The following PAX3 variants were observed in gnomAD, a reference collection of about 807,000 sequenced individuals.
PAX3 encodes the protein paired box 3.
A neutral mutation model predicts 51.6 loss-of-function variants in PAX3; 14 were observed. The ratio of observed to expected loss-of-function variants is 0.27; its 90% CI spans 0.18 to 0.42. The LOEUF (loss-of-function observed/expected upper bound fraction) is 0.42, where lower values mean the gene tolerates loss of function less well. PAX3 is among the 10% of genes least tolerant of loss of function. The pLI is 1.00. For synonymous variants in PAX3, 280 were observed against 253.4 expected, an observed-to-expected ratio of 1.11 and a Z score of -1.00; for missense variants, 540 against 642.8, an observed-to-expected ratio of 0.84 and a Z score of 1.73.
chr2:222,282,097 C>T (rs1313838611), intron 4 of PAX3, among the ~76,000 whole-genome samples: 2 of 152,022 alleles, frequency 1.3e-5, no homozygotes, highest in Non-Finnish European at 2.9e-5. Flanking sequence ...GAAATAAATC[C>T]TTCGCCCCTA....
At chr2:222,212,930 C>A (rs1370850213) in intron 7 of PAX3, among the ~76,000 whole-genome samples, 2 of 152,050 alleles carry the variant, frequency 1.3e-5, no homozygotes, top group Admixed American at 6.6e-5. Context: ...ATAGACTAAG[C>A]AATAATGCTC....
intron 5 of PAX3, among the ~76,000 whole-genome samples, chr2:222,228,179 G>C (rs976891093): frequency 2.6e-5 from 4 of 152,092 alleles, no homozygotes; most frequent in African/African-American, 9.7e-5. Flanking sequence ...CATATGCTGG[G>C]TGTTCTAGGG....
Position 222,298,981 on chromosome 2 carries a change from T to G in PAX3, c.-366A>C, listed in dbSNP as rs1695465390. 2.4e-6 allele frequency: 1 copy of G among 412,362 alleles called. No individual in the cohort carries two copies. Among genetic ancestry groups the G allele is most frequent in the African/African-American group, 2.0e-5 (1 of 50,314 alleles). 25.5% of individuals were successfully genotyped at this position (412,362 alleles called of 1,614,324 possible). On this transcript the variant is annotated 5_prime_UTR_variant, in exon 1 of 9. Coordinates refer to ENST00000392070, the MANE Select transcript of PAX3 (RefSeq NM_181458.4). ...AGCGCGGCCTGCCTGAGTCTCCTCC[T>G]GTGGTGACACCGAGTGCGGGGATCC...
At chr2:222,254,051 C>T (rs571744668) in intron 4 of PAX3, among the ~76,000 whole-genome samples, 66 of 152,300 alleles carry the variant, frequency 4.3e-4, no homozygotes, top group Admixed American at 7.2e-4. Flanking sequence ...TGCAAAGCAG[C>T]GCACATAAAA....
chr2:222,275,539 T>C (rs1694389315), intron 4 of PAX3, among the ~76,000 whole-genome samples: 1 of 152,222 alleles, frequency 6.6e-6, no homozygotes. Flanking sequence ...TGAATCATTG[T>C]CTACCTTCAG....
At position 222,265,691 on chromosome 2, in the gene PAX3, G is replaced by GAA. The variant is rs1553583540; in HGVS notation, c.586+28475_586+28476insTT. Among the ~76,000 whole-genome samples the GAA allele has an allele frequency of 1.6e-3, 233 of 142,132 alleles. 1 individual carries two copies. Among genetic ancestry groups the GAA allele is most frequent in the African/African-American group, 5.7e-3 (223 of 39,366 alleles). 93.2% of individuals were successfully genotyped at this position (142,132 alleles called of 152,430 possible). ...GGAAGGAAGGAAGGAAGGAAGGAAG[G>GAA]GAGAAAGATTGATTTTGATTTTTCC... On this transcript the variant is annotated intron_variant, in intron 4 of 8. Coordinates refer to ENST00000392070, the MANE Select transcript of PAX3 (RefSeq NM_181458.4).
intron 4 of PAX3, among the ~76,000 whole-genome samples, chr2:222,276,823 C>T (rs11899444): frequency 0.14 from 20,935 of 152,230 alleles, 1,720 homozygotes; most frequent in Non-Finnish European, 0.18. Context: ...TGTGAGGAGT[C>T]GGTCCAAGAT....
At chr2:222,210,009 G>A (rs776476811) in intron 7 of PAX3, among the ~76,000 whole-genome samples, 1 of 152,068 alleles carries the variant, frequency 6.6e-6, no homozygotes, top group African/African-American at 2.4e-5. Context: ...AGCTAAAATC[G>A]TATTTACCTT....
chr2:222,289,734 T>A (rs546108692), intron 4 of PAX3, among the ~76,000 whole-genome samples: 23 of 152,374 alleles, frequency 1.5e-4, no homozygotes, highest in Admixed American at 8.5e-4. Context: ...TGGTGTTTCC[T>A]TTCAAATCGT....
intron 4 of PAX3, among the ~76,000 whole-genome samples, chr2:222,293,086 C>T (rs761317683): frequency 2.0e-5 from 3 of 152,186 alleles, no homozygotes; most frequent in Non-Finnish European, 4.4e-5. Context: ...TAGTCACAGT[C>T]GGCAACGGCT....
Position 222,207,033 on chromosome 2 carries a change from G to A in PAX3, c.1174-4843C>T, listed in dbSNP as rs114738903. 2.2e-3 allele frequency among the ~76,000 whole-genome samples: 333 copies of A among 152,186 alleles called. 1 individual carries two copies. Among genetic ancestry groups the A allele is most frequent in the Non-Finnish European group, 3.5e-3 (236 of 67,982 alleles). ...AGAAATGTGAATTACAGCTTTGTAT[G>A]ACATAAAGAGTTTTTTTATTCTTCC... On this transcript the variant is annotated intron_variant, in intron 7 of 8. Transcript: ENST00000392070.
At position 222,209,850 on chromosome 2, in the gene PAX3, C is replaced by T. The variant is rs541174014; in HGVS notation, c.1174-7660G>A. Among the ~76,000 whole-genome samples the T allele has an allele frequency of 1.1e-4, 16 of 151,994 alleles. 1 individual carries two copies. Among genetic ancestry groups the T allele is most frequent in the East Asian group, 5.8e-4 (3 of 5,172 alleles). On this transcript the variant is annotated intron_variant, in intron 7 of 8. Transcript: ENST00000392070. ...AGGCTGCAATGAGCCATGATTGCAC[C>T]GCTGTACTCCAGCCTGGGTGGCAGA...
At chr2:222,265,737 G>A (rs908182171) in intron 4 of PAX3, among the ~76,000 whole-genome samples, 1 of 149,656 alleles carries the variant, frequency 6.7e-6, no homozygotes, top group Non-Finnish European at 1.5e-5. Context: ...TCAGGACACT[G>A]AGAGTTAGAA....
chr2:222,245,260 C>A (rs528320511), intron 4 of PAX3, among the ~76,000 whole-genome samples: 1 of 152,342 alleles, frequency 6.6e-6, no homozygotes, highest in African/African-American at 2.4e-5. Flanking sequence ...TAACAAAAGT[C>A]AGGCAACCAG....
intron 4 of PAX3, among the ~76,000 whole-genome samples, chr2:222,268,174 G>A (rs576621988): frequency 6.6e-6 from 1 of 152,210 alleles, no homozygotes; most frequent in African/African-American, 2.4e-5. Flanking sequence ...AGAGTCCTGG[G>A]GGCCTCTTTA....
intron 4 of PAX3, among the ~76,000 whole-genome samples, chr2:222,261,328 T>C (rs530205957): frequency 6.6e-6 from 1 of 152,316 alleles, no homozygotes; most frequent in East Asian, 1.9e-4. Flanking sequence ...AAGCTCATTT[T>C]CATAATGCTC....
chr2:222,235,039 T>C (rs1478654883), intron 4 of PAX3, among the ~76,000 whole-genome samples: 1 of 152,324 alleles, frequency 6.6e-6, no homozygotes, highest in South Asian at 2.1e-4. Flanking sequence ...GATAATAGTA[T>C]GTGGAAATTT....
At chr2:222,294,032 C>T (rs182605959) in intron 4 of PAX3, 135 bp downstream of exon 4, 155 of 1,556,028 alleles carry the variant, frequency 1.0e-4, no homozygotes, top group Middle Eastern at 3.8e-4. Flanking sequence ...CATGTCGTTA[C>T]TCAGGCGCAG....
At chr2:222,255,250 A>G (rs1693595940) in intron 4 of PAX3, among the ~76,000 whole-genome samples, 1 of 152,154 alleles carries the variant, frequency 6.6e-6, no homozygotes, top group African/African-American at 2.4e-5. Flanking sequence ...ATGCTGAATG[A>G]GGTCATTCCA....
Sources: gnomAD v4.1 joint callset for allele counts (sites outside exome capture counted in the v4.1 genomes callset) on GRCh38, gnomAD v4.1.1 for gene constraint, MANE v1.5 for transcripts, NCBI Gene and HGNC (gene_info 2026-07-23, HGNC 2026-07-21) for gene names.